The following COL5A2 variants were observed in gnomAD, a reference collection of about 807,000 sequenced individuals.
COL5A2 encodes the protein collagen type V alpha 2 chain, also known as collagen alpha-2(V) chain.
In COL5A2, 23 loss-of-function variants were observed where a neutral mutation model predicts 208.2. The ratio of observed to expected loss-of-function variants is 0.11; its 90% CI spans 0.08 to 0.16. The LOEUF is 0.16. Ranked by LOEUF, COL5A2 falls within the 10% of genes least tolerant of loss-of-function variation. COL5A2 has a pLI of 1.00. For missense variants in COL5A2, 1,590 were observed against 1,956.4 expected (o/e 0.81, Z 3.53); for synonymous variants, 625 against 628.5 (o/e 0.99, Z 0.08).
At chr2:189,295,829 T>C in the COL5A2 span, among the ~76,000 whole-genome samples, 165 of 152,176 alleles carry the variant, frequency 1.1e-3, 1 homozygote, top group Non-Finnish European at 1.9e-3. Context: ...AATTGATAGA[T>C]GAAAATGTAC....
the COL5A2 span, among the ~76,000 whole-genome samples, chr2:189,283,592 G>A: frequency 6.6e-6 from 1 of 151,870 alleles, no homozygotes; most frequent in Non-Finnish European, 1.5e-5. Flanking sequence ...ATGTAATGTG[G>A]TATCTCAGAT....
At chr2:189,319,886 C>T in the COL5A2 span, among the ~76,000 whole-genome samples, 3 of 152,184 alleles carry the variant, frequency 2.0e-5, no homozygotes, top group African/African-American at 7.2e-5. Context: ...TCCCTGACCC[C>T]CAGGTAGCCT....
At chr2:189,221,162 A>G (rs533748395) in intron 1 of COL5A2, among the ~76,000 whole-genome samples, 1 of 152,350 alleles carries the variant, frequency 6.6e-6, no homozygotes, top group South Asian at 2.1e-4. Context: ...GGATCTCAAC[A>G]GAAATCGAAA....
chr2:189,221,881 T>C (rs1011227236), intron 1 of COL5A2, among the ~76,000 whole-genome samples: 2 of 152,172 alleles, frequency 1.3e-5, no homozygotes, highest in African/African-American at 4.8e-5. Context: ...CCACTATAAC[T>C]GCATTTCTAC....
At chr2:189,053,790 A>G in intron 37 of COL5A2, 105 bp downstream of exon 37, 1 of 1,041,036 alleles carries the variant, frequency 9.6e-7, no homozygotes, top group Non-Finnish European at 1.4e-6. Context: ...AGTTATACAT[A>G]ACCTAAAACC....
intron 1 of COL5A2, among the ~76,000 whole-genome samples, chr2:189,224,504 C>A (rs1689388104): frequency 1.3e-5 from 2 of 151,972 alleles, no homozygotes; most frequent in South Asian, 4.2e-4. Flanking sequence ...GCCTGACCAA[C>A]ATGGCAAAAC....
chr2:189,259,489 GT>G, the COL5A2 span, among the ~76,000 whole-genome samples: 1 of 152,104 alleles, frequency 6.6e-6, no homozygotes, highest in Non-Finnish European at 1.5e-5. Flanking sequence ...CCTTTTGTAA[GT>G]TTAGGGAATA....
chr2:189,285,908 T>C, the COL5A2 span, among the ~76,000 whole-genome samples: 2 of 152,190 alleles, frequency 1.3e-5, no homozygotes, highest in Admixed American at 1.3e-4. Context: ...AATCATTTAG[T>C]ATGCTTATCT....
chr2:189,361,298 G>A, the COL5A2 span, among the ~76,000 whole-genome samples: 1 of 152,040 alleles, frequency 6.6e-6, no homozygotes, highest in South Asian at 2.1e-4. Flanking sequence ...CCAGTGTTGG[G>A]TGCATATATA....
intron 1 of COL5A2, among the ~76,000 whole-genome samples, chr2:189,143,958 G>A (rs144813434): frequency 6.6e-6 from 1 of 152,170 alleles, no homozygotes; most frequent in African/African-American, 2.4e-5. Flanking sequence ...AACTAGACAT[G>A]GTAATGAAGA....
chr2:189,060,988 T>C (rs1413379025), intron 30 of COL5A2, among the ~76,000 whole-genome samples: 1 of 152,112 alleles, frequency 6.6e-6, no homozygotes, highest in East Asian at 1.9e-4. Flanking sequence ...AGTCAATTTA[T>C]AGGATTGTAT....
the COL5A2 span, among the ~76,000 whole-genome samples, chr2:189,321,100 A>G: frequency 6.6e-6 from 1 of 152,218 alleles, no homozygotes; most frequent in African/African-American, 2.4e-5. Flanking sequence ...AAAATCCTTT[A>G]TAGACAAGCA....
intron 7 of COL5A2, among the ~76,000 whole-genome samples, chr2:189,091,046 T>G (rs1351415454): frequency 6.6e-6 from 1 of 152,188 alleles, no homozygotes; most frequent in African/African-American, 2.4e-5. Flanking sequence ...CTGGAAAGGA[T>G]TTATCATTCT....
the COL5A2 span, among the ~76,000 whole-genome samples, chr2:189,300,950 G>A: frequency 6.6e-6 from 1 of 152,182 alleles, no homozygotes; most frequent in African/African-American, 2.4e-5. Flanking sequence ...CCTTTGGGAG[G>A]CTGGGGCAGG....
the COL5A2 span, among the ~76,000 whole-genome samples, chr2:189,244,484 C>G: frequency 1.3e-5 from 2 of 152,232 alleles, no homozygotes; most frequent in Admixed American, 6.5e-5. Context: ...CAGGTCCCAA[C>G]AAGTTCCTCA....
intron 11 of COL5A2, among the ~76,000 whole-genome samples, chr2:189,084,933 G>T (rs182633573): frequency 6.6e-6 from 1 of 152,198 alleles, no homozygotes; most frequent in Non-Finnish European, 1.5e-5. Flanking sequence ...AAAAACCCAG[G>T]GAATTCAGGA....
At chr2:189,115,645 G>T (rs1215268317) in intron 1 of COL5A2, among the ~76,000 whole-genome samples, 2 of 152,138 alleles carry the variant, frequency 1.3e-5, no homozygotes, top group East Asian at 3.9e-4. Flanking sequence ...TTCAGACACA[G>T]GTTTGTGCTG....
the COL5A2 span, among the ~76,000 whole-genome samples, chr2:189,359,842 C>T: frequency 2.0e-5 from 3 of 152,060 alleles, no homozygotes; most frequent in Admixed American, 6.6e-5. Flanking sequence ...GTAGGTTTTA[C>T]AATTTGTTGG....
the COL5A2 span, among the ~76,000 whole-genome samples, chr2:189,337,152 A>T: frequency 6.6e-6 from 1 of 151,528 alleles, no homozygotes; most frequent in Non-Finnish European, 1.5e-5. Context: ...TTCTAGCAGC[A>T]TTATGAAGTG....
Sources: allele counts gnomAD v4.1 joint callset (sites outside exome capture counted in the v4.1 genomes callset), GRCh38; gene constraint gnomAD v4.1.1; transcripts MANE v1.5; gene names NCBI Gene and HGNC (gene_info 2026-07-23, HGNC 2026-07-21).